The following LHFPL3 variants were observed in gnomAD, a reference collection of about 807,000 sequenced individuals.
The protein encoded by LHFPL3 is LHFPL tetraspan subfamily member 3.
LHFPL3 carries 5 observed loss-of-function variants against 19.3 expected under a neutral mutation model. The observed-to-expected ratio is 0.26, with a 90% CI of 0.14 to 0.54. The LOEUF (loss-of-function observed/expected upper bound fraction) is 0.54. Ranked by LOEUF, LHFPL3 falls within the 20% of genes least tolerant of loss-of-function variation. LHFPL3 has a pLI of 0.94. For synonymous variants in LHFPL3, 133 were observed against 126.2 expected, an observed-to-expected ratio of 1.05 and a Z score of -0.36; for missense variants, 249 against 307.4, an observed-to-expected ratio of 0.81 and a Z score of 1.42.
chr7:104,530,424 A>T (rs557802193), intron 1 of LHFPL3, among the ~76,000 whole-genome samples: 177 of 152,296 alleles, frequency 1.2e-3, no homozygotes, highest in African/African-American at 4.2e-3. Flanking sequence ...GGGCCCAGCA[A>T]AGCCACAGCT....
intron 1 of LHFPL3, among the ~76,000 whole-genome samples, chr7:104,453,813 C>T (rs185050326): frequency 2.0e-5 from 3 of 151,976 alleles, no homozygotes; most frequent in Non-Finnish European, 4.4e-5. Context: ...CTGCCTCCCC[C>T]CTGCCCCACT....
chr7:104,515,380 C>G (rs1054361895), intron 1 of LHFPL3, among the ~76,000 whole-genome samples: 1 of 152,090 alleles, frequency 6.6e-6, no homozygotes, highest in Non-Finnish European at 1.5e-5. Flanking sequence ...ATAATTGACT[C>G]TAAGATCTAA....
chr7:104,521,059 T>C (rs1183775356), intron 1 of LHFPL3, among the ~76,000 whole-genome samples: 2 of 152,214 alleles, frequency 1.3e-5, no homozygotes, highest in African/African-American at 4.8e-5. Flanking sequence ...GTTTTGGATC[T>C]TTCCTGCTTT....
chr7:104,648,832 G>A (rs1479034259), intron 1 of LHFPL3, among the ~76,000 whole-genome samples: 2 of 152,158 alleles, frequency 1.3e-5, no homozygotes, highest in Non-Finnish European at 2.9e-5. Flanking sequence ...CTGGCCTATG[G>A]CACAATTCTC....
chr7:104,876,320 A>G (rs1399112187), intron 2 of LHFPL3, among the ~76,000 whole-genome samples: 1 of 152,342 alleles, frequency 6.6e-6, no homozygotes, highest in East Asian at 1.9e-4. Context: ...CAGCAAAAGA[A>G]ACTACCATCA....
chr7:104,389,614 A>G (rs1428810962), intron 1 of LHFPL3, among the ~76,000 whole-genome samples: 1 of 152,218 alleles, frequency 6.6e-6, no homozygotes, highest in Non-Finnish European at 1.5e-5. Context: ...TGCAAAACTT[A>G]CTACAAAGCT....
chr7:104,478,894 C>G (rs1255849256), intron 1 of LHFPL3, among the ~76,000 whole-genome samples: 1 of 152,124 alleles, frequency 6.6e-6, no homozygotes, highest in Non-Finnish European at 1.5e-5. Flanking sequence ...ACAACATTGC[C>G]CCGGAACACA....
At chr7:104,695,551 C>T (rs773684953) in intron 1 of LHFPL3, among the ~76,000 whole-genome samples, 58 of 152,118 alleles carry the variant, frequency 3.8e-4, no homozygotes, top group Non-Finnish European at 7.2e-4. Flanking sequence ...AAACAAGGCC[C>T]ATGAAGCTGC....
rs112985289 is a variant in LHFPL3 at position 104,906,170 on chromosome 7, C to G, written c.683-17C>G. 1.2e-6 allele frequency: 2 copies of G among 1,608,556 alleles called. No individual in the cohort carries two copies. The highest frequency in any genetic ancestry group is 1.7e-6 in the Non-Finnish European group (2 of 1,177,086). The stretch of plus-strand genomic sequence containing the variant: ...TCCCCCCACCCTTTTTCTCTCTCTT[C>G]CCTCCAATTTCTGCAGTTCTGCTAA... On this transcript the variant is annotated splice_polypyrimidine_tract_variant and intron_variant, in intron 2 of 2. Coordinates refer to ENST00000424859, the MANE Select transcript of LHFPL3 (RefSeq NM_199000.3).
At chr7:104,691,354 A>G (rs1213152168) in intron 1 of LHFPL3, among the ~76,000 whole-genome samples, 1 of 152,210 alleles carries the variant, frequency 6.6e-6, no homozygotes, top group Non-Finnish European at 1.5e-5. Flanking sequence ...ATGGCCTCAT[A>G]GGGAGTTCCC....
At chr7:104,426,999 A>G (rs1428182891) in intron 1 of LHFPL3, among the ~76,000 whole-genome samples, 1 of 152,236 alleles carries the variant, frequency 6.6e-6, no homozygotes, top group Non-Finnish European at 1.5e-5. Flanking sequence ...AAATTGAATT[A>G]ATAAATAACT....
At chr7:104,368,357 A>C (rs1483889843) in intron 1 of LHFPL3, among the ~76,000 whole-genome samples, 2 of 152,158 alleles carry the variant, frequency 1.3e-5, no homozygotes, top group Non-Finnish European at 2.9e-5. Context: ...AGGGAGACAA[A>C]AAAAAGGGAC....
At chr7:104,810,997 C>T (rs1790454364) in intron 2 of LHFPL3, among the ~76,000 whole-genome samples, 1 of 152,156 alleles carries the variant, frequency 6.6e-6, no homozygotes, top group Admixed American at 6.5e-5. Flanking sequence ...TAGCTTCTCT[C>T]TTATCAGGTG....
intron 2 of LHFPL3, among the ~76,000 whole-genome samples, chr7:104,863,545 T>C (rs1791656469): frequency 6.6e-6 from 1 of 152,232 alleles, no homozygotes; most frequent in African/African-American, 2.4e-5. Context: ...GATCAGGATG[T>C]AGGGTGCAGC....
intron 1 of LHFPL3, among the ~76,000 whole-genome samples, chr7:104,427,540 T>C (rs1200126146): frequency 6.6e-6 from 1 of 152,220 alleles, no homozygotes. Flanking sequence ...TGTGTCAACA[T>C]GTAGTTTGAG....
At chr7:104,545,136 C>T (rs1055865574) in intron 1 of LHFPL3, among the ~76,000 whole-genome samples, 1 of 152,194 alleles carries the variant, frequency 6.6e-6, no homozygotes, top group African/African-American at 2.4e-5. Context: ...AACTGACTAA[C>T]AAGAAAATCA....
intron 1 of LHFPL3, among the ~76,000 whole-genome samples, chr7:104,360,101 A>T (rs536619115): frequency 3.9e-5 from 6 of 152,344 alleles, no homozygotes; most frequent in African/African-American, 1.2e-4. Flanking sequence ...CAGCACAGTT[A>T]TTCCCAGAGC....
chr7:104,430,390 A>ATATATATATG (rs1791946187), intron 1 of LHFPL3, among the ~76,000 whole-genome samples: 2 of 59,466 alleles, frequency 3.4e-5, no homozygotes, highest in Non-Finnish European at 6.2e-5. Flanking sequence ...ATACATATAT[A>ATATATATATG]TATATATATA....
Position 104,604,709 on chromosome 7 carries a change from T to C in LHFPL3, c.446-131966T>C, listed in dbSNP as rs538674129. ...AACTCTGAAATAAGCTCCTCCAGGA[T>C]AATAGAATAAACTGTGTCTGTAACT... On this transcript the variant is annotated intron_variant, in intron 1 of 2. Coordinates refer to ENST00000424859, the MANE Select transcript of LHFPL3 (RefSeq NM_199000.3). Among the ~76,000 whole-genome samples the C allele has an allele frequency of 6.2e-4, 94 of 152,350 alleles. 1 individual carries two copies. The South Asian group carries it at 0.019, about 30-fold the overall frequency.
Sources: allele counts gnomAD v4.1 joint callset (sites outside exome capture counted in the v4.1 genomes callset), GRCh38; gene constraint gnomAD v4.1.1; transcripts MANE v1.5; gene names NCBI Gene and HGNC (gene_info 2026-07-23, HGNC 2026-07-21).